LTBP1: variants seen among roughly 807,000 people sequenced by gnomAD.
LTBP1 encodes the protein latent transforming growth factor beta binding protein 1.
A neutral mutation model predicts 207.6 loss-of-function variants in LTBP1; 129 were observed. The ratio of observed to expected loss-of-function variants is 0.62; its 90% CI spans 0.54 to 0.72. LTBP1 has a LOEUF of 0.72. Ranked by LOEUF, LTBP1 falls within the 30% of genes least tolerant of loss-of-function variation. LTBP1 has a pLI of 0.00. For missense variants in LTBP1, 2,281 were observed against 2,217.2 expected (o/e 1.03, Z -0.58); for synonymous variants, 963 against 833.7 (o/e 1.16, Z -2.67).
intron 3 of LTBP1, among the ~76,000 whole-genome samples, chr2:33,037,347 A>G (rs766862203): frequency 2.0e-5 from 3 of 152,158 alleles, no homozygotes; most frequent in Non-Finnish European, 4.4e-5. Context: ...AGGTGTAATA[A>G]TCATCTGTGT....
At chr2:33,220,605 G>A (rs980546472) in intron 8 of LTBP1, among the ~76,000 whole-genome samples, 2 of 152,216 alleles carry the variant, frequency 1.3e-5, no homozygotes, top group African/African-American at 4.8e-5. Flanking sequence ...GTAAGAGATT[G>A]CCTGGTCTGG....
chr2:33,063,853 CT>C (rs58115868), intron 3 of LTBP1, among the ~76,000 whole-genome samples: 18 of 147,612 alleles, frequency 1.2e-4, no homozygotes, highest in East Asian at 2.0e-4. Flanking sequence ...ATTGTATATT[CT>C]TTTTTTTTTT....
intron 8 of LTBP1, among the ~76,000 whole-genome samples, chr2:33,218,700 A>G (rs796254820): frequency 8.5e-4 from 129 of 152,284 alleles, no homozygotes; most frequent in African/African-American, 3.0e-3. Context: ...CCTGGCCATA[A>G]ATAGTTTTTA....
In LTBP1 at chr2:33,363,936, A is replaced by G. The variant is rs1484655687; in HGVS notation, c.4400-280A>G. ...AGGAAATAATTTTAAAAGTTATCAT[A>G]AAGAGCCATTTAATCTTAAATTTCT... On this transcript the variant is annotated intron_variant, in intron 29 of 33. Transcript: ENST00000404816. 2.0e-5 allele frequency among the ~76,000 whole-genome samples: 3 copies of G among 152,372 alleles called. No individual in the cohort carries two copies. In the East Asian group the frequency reaches 5.8e-4, roughly 29 times the overall value.
At chr2:33,021,276 C>T in intron 3 of LTBP1, 70 bp downstream of exon 3, 1 of 1,392,098 alleles carries the variant, frequency 7.2e-7, no homozygotes, top group Non-Finnish European at 9.8e-7. Flanking sequence ...TGCTTTAAAT[C>T]ACTGTCCCTT....
At chr2:33,193,565 A>T (rs1372115347) in intron 7 of LTBP1, among the ~76,000 whole-genome samples, 2 of 152,162 alleles carry the variant, frequency 1.3e-5, no homozygotes, top group African/African-American at 4.8e-5. Flanking sequence ...GTAGATAGAT[A>T]TTGTGTCTTT....
chr2:33,042,096 A>G (rs776447155), intron 3 of LTBP1, among the ~76,000 whole-genome samples: 1 of 152,174 alleles, frequency 6.6e-6, no homozygotes, highest in African/African-American at 2.4e-5. Context: ...CTAGTGATCA[A>G]TCTTTTCACA....
At chr2:32,996,509 G>A (rs936539363) in intron 2 of LTBP1, among the ~76,000 whole-genome samples, 51 of 152,170 alleles carry the variant, frequency 3.4e-4, no homozygotes, top group African/African-American at 1.1e-3. Flanking sequence ...AGTTTTTTAC[G>A]CCTACTGTGT....
intron 33 of LTBP1, among the ~76,000 whole-genome samples, chr2:33,398,098 A>G (rs1276065288): frequency 6.6e-6 from 1 of 152,174 alleles, no homozygotes; most frequent in East Asian, 1.9e-4. Flanking sequence ...AGTTCCTCCA[A>G]CTTCCTTGAG....
At chr2:33,354,372 T>C (rs1435387159) in intron 26 of LTBP1, among the ~76,000 whole-genome samples, 1 of 152,144 alleles carries the variant, frequency 6.6e-6, no homozygotes, top group Non-Finnish European at 1.5e-5. Flanking sequence ...GTATTTATAA[T>C]GCAAATATTG....
At chr2:33,199,233 T>G (rs1313175810) in intron 7 of LTBP1, among the ~76,000 whole-genome samples, 1 of 152,198 alleles carries the variant, frequency 6.6e-6, no homozygotes, top group Non-Finnish European at 1.5e-5. Context: ...TAATCCTGAG[T>G]TCTAGTTTGA....
intron 4 of LTBP1, among the ~76,000 whole-genome samples, chr2:33,123,323 T>G (rs187788386): frequency 8.5e-5 from 13 of 152,172 alleles, no homozygotes; most frequent in African/African-American, 3.1e-4. Context: ...CTTCAGTCAG[T>G]GAGTGTGGAT....
rs373536900 is a variant in LTBP1, at chr2:33,222,147, C to T, written c.1872C>T (p.Cys624=). 29 of 1,607,012 alleles carry T rather than the reference C, an allele frequency of 1.8e-5. No individual in the cohort carries two copies. Among genetic ancestry groups the T allele is most frequent in the Non-Finnish European group, 2.5e-5 (29 of 1,173,580 alleles). The change falls in exon 9 of 34, where the codon TGC becomes TGT. Residue 624 remains cysteine, a synonymous_variant. Coordinates refer to ENST00000404816, the MANE Select transcript of LTBP1 (RefSeq NM_206943.4). ...ATAAGCGGGTTAACAACACCTTTTG[C>T]CAAGGTAAGACTAACTGAATTCATT... The part of the protein sequence containing the change: ...PGYKRVNNTF[C]QDINECQLQG...
chr2:33,005,323 C>T (rs961931891), intron 2 of LTBP1, among the ~76,000 whole-genome samples: 1 of 152,198 alleles, frequency 6.6e-6, no homozygotes, highest in African/African-American at 2.4e-5. Flanking sequence ...GTGGCACACT[C>T]ATATCACTGG....
intron 26 of LTBP1, among the ~76,000 whole-genome samples, chr2:33,352,225 G>A (rs1380043638): frequency 6.6e-6 from 1 of 151,946 alleles, no homozygotes. Flanking sequence ...TCTACCTCCC[G>A]AGTTCAAGTG....
chr2:33,170,155 G>A (rs1221951287), intron 5 of LTBP1, among the ~76,000 whole-genome samples: 1 of 152,184 alleles, frequency 6.6e-6, no homozygotes, highest in Non-Finnish European at 1.5e-5. Flanking sequence ...AGTGGGCGCA[G>A]GACAGTGGGT....
intron 20 of LTBP1, 152 bp downstream of exon 20, chr2:33,293,434 T>C: frequency 3.1e-6 from 2 of 652,098 alleles, no homozygotes; most frequent in South Asian, 5.7e-5. Flanking sequence ...TGAAAGTGGC[T>C]CCTTGCTGTG....
intron 5 of LTBP1, among the ~76,000 whole-genome samples, chr2:33,161,469 G>A (rs758429511): frequency 3.9e-5 from 6 of 151,972 alleles, no homozygotes; most frequent in Admixed American, 1.3e-4. Flanking sequence ...GGGTTTCACC[G>A]TCTTGGCCAG....
At chr2:33,247,112 AG>A (rs2092539138) in intron 10 of LTBP1, among the ~76,000 whole-genome samples, 1 of 152,220 alleles carries the variant, frequency 6.6e-6, no homozygotes, top group Non-Finnish European at 1.5e-5. Context: ...AAGAATTCTG[AG>A]CCTGGGCTTT....
Sources: gnomAD v4.1 joint callset for allele counts (sites outside exome capture counted in the v4.1 genomes callset) on GRCh38, gnomAD v4.1.1 for gene constraint, MANE v1.5 for transcripts, NCBI Gene and HGNC (gene_info 2026-07-23, HGNC 2026-07-21) for gene names.